The following DNM2 variants were observed in gnomAD, a reference collection of about 807,000 sequenced individuals.
The protein encoded by DNM2 is dynamin-2.
In DNM2, 15 loss-of-function variants were observed where a neutral mutation model predicts 99.0. The observed-to-expected ratio is 0.15, with a 90% CI of 0.10 to 0.23. The LOEUF (loss-of-function observed/expected upper bound fraction) is 0.23, where lower values mean the gene tolerates loss of function less well. Among genes scored for constraint, DNM2 ranks in the 10% least tolerant of loss-of-function variants. DNM2 has a pLI of 1.00. For synonymous variants in DNM2, 525 were observed against 481.2 expected (o/e 1.09, Z -1.19); for missense variants, 742 against 1,189.4 (o/e 0.62, Z 5.53).
rs948787852 is a variant in DNM2, at chr19:10,756,930, C to G, written c.162-2808C>G. Among the ~76,000 whole-genome samples the G allele has an allele frequency of 5.9e-5, 9 of 152,244 alleles. 1 individual carries two copies. Among genetic ancestry groups the G allele is most frequent in the African/African-American group, 2.2e-4 (9 of 41,540 alleles). ...CGGTCACCCCCACCTGCCTCCTGCT[C>G]CTGCCCTCTCCTCTGCCCTGCATCA... is the stretch of plus-strand genomic sequence containing the variant. On this transcript the variant is annotated intron_variant, in intron 1 of 20. Coordinates refer to ENST00000389253, the MANE Select transcript of DNM2 (RefSeq NM_001005361.3).
rs186885955 is a variant in DNM2, at chr19:10,748,157, C to T, written c.162-11581C>T. 5.9e-5 allele frequency among the ~76,000 whole-genome samples: 9 copies of T among 152,202 alleles called. No homozygotes were observed. In the East Asian group the frequency reaches 1.7e-3, roughly 29 times the overall value. On this transcript the variant is annotated intron_variant, in intron 1 of 20. Coordinates refer to ENST00000389253, the MANE Select transcript of DNM2 (RefSeq NM_001005361.3). ...GTGAAGCGGGAGCCCAAGGAGGGCC[C>T]ATAACAAAGGGGTTTACAGTGACAT...
chr19:10,780,675 C>A (rs1322987299), intron 5 of DNM2, among the ~76,000 whole-genome samples: 1 of 152,084 alleles, frequency 6.6e-6, no homozygotes, highest in Non-Finnish European at 1.5e-5. Flanking sequence ...TGCCTATAAC[C>A]CCAGGATTTT....
chr19:10,784,819 ATTTTTTTT>A (rs35575438), intron 6 of DNM2, among the ~76,000 whole-genome samples: 1 of 99,464 alleles, frequency 1.0e-5, no homozygotes, highest in Non-Finnish European at 1.9e-5. Flanking sequence ...TTTTTTGATG[ATTTTTTTT>A]TTTTTTTTTT....
intron 1 of DNM2, among the ~76,000 whole-genome samples, chr19:10,721,806 C>A (rs2068949920): frequency 6.6e-6 from 1 of 152,180 alleles, no homozygotes; most frequent in African/African-American, 2.4e-5. Context: ...CAAGGCCTGC[C>A]TGCTGGGTCT....
Position 10,817,947 on chromosome 19 carries a change from G to C in DNM2, c.1672-2033G>C, listed in dbSNP as rs1012235407. 8.5e-5 allele frequency among the ~76,000 whole-genome samples: 13 copies of C among 152,146 alleles called. No individual in the cohort carries two copies. Among genetic ancestry groups the C allele is most frequent in the Non-Finnish European group, 1.9e-4 (13 of 68,008 alleles). On this transcript the variant is annotated intron_variant, in intron 15 of 20. Coordinates refer to ENST00000389253, the MANE Select transcript of DNM2 (RefSeq NM_001005361.3). The surrounding 1 kb of genome is among the most constrained non-coding windows in gnomAD (Gnocchi z 4.6). Reference sequence around the variant, plus strand: ...GCCTGTGACTCAGTTACTTGGCCCTGCTGGCTGGAAGCTTCCGGCCGCGTG... The same window carrying C: ...GCCTGTGACTCAGTTACTTGGCCCTCCTGGCTGGAAGCTTCCGGCCGCGTG...
At chr19:10,761,880 G>A (rs1036084968) in intron 2 of DNM2, among the ~76,000 whole-genome samples, 3 of 152,094 alleles carry the variant, frequency 2.0e-5, no homozygotes, top group Admixed American at 6.5e-5. Context: ...TATTTCGTAC[G>A]CCACCGATGG....
At chr19:10,743,409 T>A (rs2069831995) in intron 1 of DNM2, among the ~76,000 whole-genome samples, 3 of 151,014 alleles carry the variant, frequency 2.0e-5, no homozygotes, top group Admixed American at 2.0e-4. Context: ...GCATGGTGGC[T>A]CACACCTGTA....
At position 10,831,791 on chromosome 19, in the gene DNM2, G is replaced by C. The variant is rs1455588669; in HGVS notation, c.*744G>C. 2 of 987,160 alleles carry C rather than the reference G, an allele frequency of 2.0e-6. No individual in the cohort carries two copies. Among genetic ancestry groups the C allele is most frequent in the African/African-American group, 3.5e-5 (2 of 57,246 alleles). 61.2% of individuals were successfully genotyped at this position (987,160 alleles called of 1,614,324 possible). A position where few individuals can be genotyped will look rare whatever the true frequency, so the allele number is the denominator to read the frequency against. The stretch of plus-strand genomic sequence containing the variant: ...ATGCCTCCCTGATGGGTGGGCCCAG[G>C]GCGGCCTCTCTCTGAGGAGACCTCA... On this transcript the variant is annotated 3_prime_UTR_variant, in exon 21 of 21. Coordinates refer to ENST00000389253, the MANE Select transcript of DNM2 (RefSeq NM_001005361.3). This position sits in a 1 kb window ranked among gnomAD's most constrained non-coding sequence, Gnocchi z 4.3.
At chr19:10,803,551 T>G (rs2072232194) in intron 12 of DNM2, 1 of 891,376 alleles carries the variant, frequency 1.1e-6, no homozygotes, top group African/African-American at 1.8e-5. Flanking sequence ...CTTCTCACAC[T>G]TCATCCACAG....
rs2073286326 is a variant in DNM2 at position 10,830,132 on chromosome 19, C to T, written c.2297C>T (p.Thr766Ile). The T allele has an allele frequency of 1.2e-6, 2 of 1,613,876 alleles. No individual in the cohort carries two copies. Among genetic ancestry groups the T allele is most frequent in the Admixed American group, 3.3e-5 (2 of 60,008 alleles). The change falls in exon 20 of 21, where the codon ACT (threonine) becomes ATT (isoleucine). Residue 766 changes from threonine (T) to isoleucine (I), a missense_variant. Coordinates refer to ENST00000389253, the MANE Select transcript of DNM2 (RefSeq NM_001005361.3). The surrounding 1 kb of genome is among the most constrained non-coding windows in gnomAD (Gnocchi z 4.8). ...WLQSASSHSP[T>I]PQRRPVSSIH... ...CACCCTCTCCTTCCTCACAGCCCCA[C>T]TCCACAGCGCCGACCGGTGTCCAGC...
In DNM2 at chr19:10,793,388, G is replaced by A. The variant is rs1487037009; in HGVS notation, c.993-332G>A. Reference sequence around the variant, plus strand: ...GGGAAGTGGCTACCTTTCCTTCCCAGCATCCTGTAAATCAAGTTGAGCTTC... The same window carrying A: ...GGGAAGTGGCTACCTTTCCTTCCCAACATCCTGTAAATCAAGTTGAGCTTC... On this transcript the variant is annotated intron_variant, in intron 7 of 20. Transcript: ENST00000389253. 2.6e-5 allele frequency among the ~76,000 whole-genome samples: 4 copies of A among 152,166 alleles called. No homozygotes were observed. The South Asian group carries it at 6.2e-4, about 24-fold the overall frequency.
intron 12 of DNM2, among the ~76,000 whole-genome samples, chr19:10,802,894 G>A (rs2072204694): frequency 6.6e-6 from 1 of 152,216 alleles, no homozygotes; most frequent in Non-Finnish European, 1.5e-5. Context: ...GATTCAGTGT[G>A]CGTGGTCTCA....
chr19:10,741,484 C>T (rs570669606), intron 1 of DNM2, among the ~76,000 whole-genome samples: 60 of 152,106 alleles, frequency 3.9e-4, no homozygotes, highest in Non-Finnish European at 7.5e-4. Flanking sequence ...TCATCTTGGC[C>T]TCCCAAAGTG....
At chr19:10,760,430 C>T (rs941610485) in intron 2 of DNM2, among the ~76,000 whole-genome samples, 4 of 152,186 alleles carry the variant, frequency 2.6e-5, no homozygotes, top group South Asian at 2.1e-4. Flanking sequence ...CCATCCTTCA[C>T]GCCCCAGTGC....
intron 5 of DNM2, among the ~76,000 whole-genome samples, chr19:10,778,003 ATATTT>A (rs2071211436): frequency 6.8e-6 from 1 of 147,726 alleles, no homozygotes; most frequent in African/African-American, 2.5e-5. Flanking sequence ...TCTTCCTGGA[ATATTT>A]TATTTTTTCA....
intron 15 of DNM2, among the ~76,000 whole-genome samples, chr19:10,819,067 C>A (rs1041135495): frequency 1.2e-4 from 18 of 152,148 alleles, no homozygotes; most frequent in African/African-American, 3.1e-4. Flanking sequence ...TCTGAGCTGC[C>A]TCCCTAGCAG....
intron 1 of DNM2, among the ~76,000 whole-genome samples, chr19:10,736,198 G>T (rs1313783296): frequency 6.6e-6 from 1 of 151,374 alleles, no homozygotes; most frequent in East Asian, 2.0e-4. Context: ...ACGGGAGGTG[G>T]AGGTTGCAGT....
chr19:10,819,843 G>C lies in DNM2; in HGVS notation c.1672-137G>C, dbSNP rs568649579. 4.8e-5 allele frequency: 38 copies of C among 797,804 alleles called. No homozygotes were observed. The African/African-American group carries it at 5.5e-4, about 12-fold the overall frequency. The allele number at this position is 797,804 out of a possible 1,614,324, so 49.4% of individuals were successfully genotyped here. On this transcript the variant is annotated intron_variant, in intron 15 of 20. Coordinates refer to ENST00000389253, the MANE Select transcript of DNM2 (RefSeq NM_001005361.3). The stretch of plus-strand genomic sequence containing the variant: ...AGTGACGGACGGGGAAGGGCCGGCA[G>C]ATGGGCTCATATACAGCAGCGACCA...
intron 1 of DNM2, among the ~76,000 whole-genome samples, chr19:10,741,603 G>A (rs1205021288): frequency 6.7e-6 from 1 of 149,860 alleles, no homozygotes; most frequent in African/African-American, 2.5e-5. Flanking sequence ...AGGCTGGAGT[G>A]CAGTGGCGCG....
Sources: allele counts gnomAD v4.1 joint callset (sites outside exome capture counted in the v4.1 genomes callset), GRCh38; gene constraint gnomAD v4.1.1; non-coding constraint Gnocchi (gnomAD v3.1); transcripts MANE v1.5; gene names NCBI Gene and HGNC (gene_info 2026-07-23, HGNC 2026-07-21).